ABCC8: variants seen among roughly 807,000 people sequenced by gnomAD.
The protein encoded by ABCC8 is ATP binding cassette subfamily C member 8.
Under a neutral mutation model 188.0 loss-of-function variants are expected in ABCC8, and 137 were observed. That is an observed-to-expected ratio of 0.73 (90% CI 0.63 to 0.84). ABCC8 has a LOEUF of 0.84. Ranked by LOEUF, ABCC8 falls within the 40% of genes least tolerant of loss-of-function variation. The pLI, the probability that ABCC8 is intolerant of heterozygous loss-of-function variation, is 0.00. For missense variants in ABCC8, 1,750 were observed against 2,072.7 expected, an observed-to-expected ratio of 0.84 and a Z score of 3.02; for synonymous variants, 797 against 846.5, an observed-to-expected ratio of 0.94 and a Z score of 1.01.
At chr11:17,447,853 G>A (rs1250262449) in intron 8 of ABCC8, among the ~76,000 whole-genome samples, 1 of 152,124 alleles carries the variant, frequency 6.6e-6, no homozygotes, top group Non-Finnish European at 1.5e-5. Flanking sequence ...GCTTATTAGA[G>A]AATTTAGAAA....
rs752411755 is a variant in ABCC8 at position 17,404,850 on chromosome 11, C to T, written c.3400-181G>A. On this transcript the variant is annotated intron_variant, in intron 27 of 38. Transcript: ENST00000389817. This position sits in a 1 kb window ranked among gnomAD's most constrained non-coding sequence, Gnocchi z 4.7. ...AATCTCGGTTCACGGCAGCCTCTGC[C>T]CCTTGGGTTCAAATGATTCTCCTGC... 1.2e-4 allele frequency: 61 copies of T among 518,906 alleles called. No individual in the cohort carries two copies. The highest frequency in any genetic ancestry group is 1.4e-4 in the Non-Finnish European group (56 of 403,622). 32.1% of individuals were successfully genotyped at this position (518,906 alleles called of 1,614,324 possible). A position where few individuals can be genotyped will look rare whatever the true frequency, so the allele number is the denominator to read the frequency against.
chr11:17,469,205 C>T (rs1848343875), intron 3 of ABCC8, among the ~76,000 whole-genome samples: 1 of 151,992 alleles, frequency 6.6e-6, no homozygotes, highest in Non-Finnish European at 1.5e-5. Context: ...GATTTGACTG[C>T]CTCAGCCTCC....
At chr11:17,428,210 C>T (rs756207261) in intron 14 of ABCC8, 79 bp downstream of exon 14, 16 of 1,602,132 alleles carry the variant, frequency 1.0e-5, no homozygotes, top group African/African-American at 6.7e-5. Context: ...ACTAAGCATG[C>T]AGCTTTCTGG....
intron 16 of ABCC8, among the ~76,000 whole-genome samples, chr11:17,426,803 T>C (rs1955600529): frequency 6.6e-6 from 1 of 152,234 alleles, no homozygotes; most frequent in South Asian, 2.1e-4. Flanking sequence ...GAGAACAGTA[T>C]GGACCTTGTT....
intron 36 of ABCC8, 74 bp downstream of exon 36, chr11:17,395,098 C>A: frequency 2.0e-6 from 3 of 1,533,756 alleles, no homozygotes; most frequent in Non-Finnish European, 2.7e-6. Flanking sequence ...ACCTGAGACA[C>A]GGGCTTCTGT....
At chr11:17,422,134 G>A (rs1362357899) in intron 16 of ABCC8, among the ~76,000 whole-genome samples, 1 of 152,200 alleles carries the variant, frequency 6.6e-6, no homozygotes, top group Admixed American at 6.5e-5. Flanking sequence ...GCCAGTAATG[G>A]AGGGGGACTC....
At chr11:17,429,020 C>G (rs1264798209) in intron 12 of ABCC8, 1 of 346,162 alleles carries the variant, frequency 2.9e-6, no homozygotes, top group Non-Finnish European at 5.4e-6. Context: ...GGTAAAGAAT[C>G]AATAGCTAGT....
At chr11:17,402,210 G>A (rs1954280856) in intron 29 of ABCC8, among the ~76,000 whole-genome samples, 1 of 152,162 alleles carries the variant, frequency 6.6e-6, no homozygotes, top group Non-Finnish European at 1.5e-5. Flanking sequence ...CTGTGCCTCA[G>A]TTTCCTTGTC....
At chr11:17,413,873 A>G (rs1174847263) in intron 19 of ABCC8, among the ~76,000 whole-genome samples, 2 of 152,098 alleles carry the variant, frequency 1.3e-5, no homozygotes, top group Non-Finnish European at 2.9e-5. Context: ...TGTTCCTCTC[A>G]TACTTCCCCA....
At chr11:17,441,591 T>C (rs776992155) in intron 10 of ABCC8, among the ~76,000 whole-genome samples, 1 of 152,116 alleles carries the variant, frequency 6.6e-6, no homozygotes, top group Non-Finnish European at 1.5e-5. Context: ...TGAAGTCAGC[T>C]GGTTGCTAAA....
At position 17,428,080 on chromosome 11, in the gene ABCC8, G is replaced by A. The variant is rs911340530; in HGVS notation, c.2041-138C>T. 47 of 1,586,370 alleles carry A rather than the reference G, an allele frequency of 3.0e-5. No individual in the cohort carries two copies. In the African/African-American group the frequency reaches 3.5e-4, roughly 12 times the overall value. Reference sequence around the variant, plus strand: ...CCTGGATCACTTCCAGAGCAGGGGAGTGGGAGACTGGCCTTCTCATGCTGA... The same window carrying A: ...CCTGGATCACTTCCAGAGCAGGGGAATGGGAGACTGGCCTTCTCATGCTGA... On this transcript the variant is annotated intron_variant, in intron 14 of 38. Transcript: ENST00000389817.
At chr11:17,412,530 C>T in intron 21 of ABCC8, 136 bp downstream of exon 21, 1 of 1,267,298 alleles carries the variant, frequency 7.9e-7, no homozygotes, top group Non-Finnish European at 1.1e-6. Context: ...GATGATAAGG[C>T]AATATCTCTG....
At chr11:17,429,466 C>T (rs374432259) in intron 12 of ABCC8, 2 of 152,312 alleles carry the variant, frequency 1.3e-5, no homozygotes, top group Admixed American at 6.5e-5. Context: ...CTCCCTCCCC[C>T]ACAGGCGGTG....
At chr11:17,463,661 A>C in intron 3 of ABCC8, 57 bp from the exon 4 acceptor site, 1 of 1,550,458 alleles carries the variant, frequency 6.4e-7, no homozygotes, top group Non-Finnish European at 8.7e-7. Flanking sequence ...GTGTACACTC[A>C]CATAATGTGT....
At chr11:17,412,913 A>C (rs982219409) in intron 20 of ABCC8, 167 bp from the exon 21 acceptor site, 2 of 1,442,916 alleles carry the variant, frequency 1.4e-6, no homozygotes, top group Non-Finnish European at 1.9e-6. Flanking sequence ...TACTGAATTC[A>C]TTCAGAAGAG....
intron 10 of ABCC8, among the ~76,000 whole-genome samples, chr11:17,440,833 C>A (rs1342248767): frequency 6.6e-6 from 1 of 152,208 alleles, no homozygotes; most frequent in East Asian, 1.9e-4. Context: ...TTTCCCCAGT[C>A]CCCTAGACAG....
chr11:17,415,409 G>A, intron 17 of ABCC8, 70 bp from the exon 18 acceptor site: 1 of 1,573,696 alleles, frequency 6.4e-7, no homozygotes, highest in Non-Finnish European at 8.6e-7. Flanking sequence ...AAGATCCTGA[G>A]CTCCCTCCAA....
At chr11:17,426,720 A>G (rs914253169) in intron 16 of ABCC8, among the ~76,000 whole-genome samples, 3 of 152,236 alleles carry the variant, frequency 2.0e-5, no homozygotes, top group Non-Finnish European at 2.9e-5. Context: ...ACTGAGTTTC[A>G]ATTCCAGCTC....
chr11:17,428,397 C>T lies in ABCC8; in HGVS notation c.1932G>A (p.Arg644=). 6.2e-7 allele frequency: 1 copy of T among 1,613,076 alleles called. No homozygotes were observed. The highest frequency in any genetic ancestry group is 8.5e-7 in the Non-Finnish European group (1 of 1,179,254). Residue 644 remains arginine, a synonymous_variant, in exon 14 of 39, where the codon AGG becomes AGA. Coordinates refer to ENST00000389817, the MANE Select transcript of ABCC8 (RefSeq NM_000352.6). ...PASKYQAVPL[R]VVNRKRPARE... ...GGGCTGGACGCTTGCGGTTCACAAC[C>T]CTGAGGGGCTGGGGGTGGTTTGGAG... is the stretch of plus-strand genomic sequence containing the variant.
Sources: allele counts gnomAD v4.1 joint callset (sites outside exome capture counted in the v4.1 genomes callset), GRCh38; gene constraint gnomAD v4.1.1; non-coding constraint Gnocchi (gnomAD v3.1); transcripts MANE v1.5; gene names NCBI Gene and HGNC (gene_info 2026-07-23, HGNC 2026-07-21).